The following CNTN5 variants were observed in gnomAD, a reference collection of about 807,000 sequenced individuals.
The protein encoded by CNTN5 is contactin 5, also known as contactin-5.
CNTN5 carries 77 observed loss-of-function variants against 129.1 expected under a neutral mutation model. The observed-to-expected ratio is 0.60, with a 90% CI of 0.50 to 0.72. The LOEUF (loss-of-function observed/expected upper bound fraction) is 0.72, where lower values mean the gene tolerates loss of function less well. Among genes scored for constraint, CNTN5 ranks in the 30% least tolerant of loss-of-function variants. CNTN5 has a pLI of 0.00. For missense variants in CNTN5, 1,478 were observed against 1,328.8 expected (o/e 1.11, Z -1.75); for synonymous variants, 509 against 465.6 (o/e 1.09, Z -1.20).
At chr11:99,453,474 A>G (rs1944385046) in intron 2 of CNTN5, among the ~76,000 whole-genome samples, 1 of 152,228 alleles carries the variant, frequency 6.6e-6, no homozygotes, top group Non-Finnish European at 1.5e-5. Context: ...GTGAATCATC[A>G]ATACAAGATT....
At chr11:99,663,257 C>G (rs1452783632) in intron 3 of CNTN5, among the ~76,000 whole-genome samples, 1 of 152,158 alleles carries the variant, frequency 6.6e-6, no homozygotes, top group Non-Finnish European at 1.5e-5. Flanking sequence ...ATCCTGAGGT[C>G]AGGAGTTCGA....
intron 23 of CNTN5, among the ~76,000 whole-genome samples, chr11:100,341,641 A>T (rs1438324166): frequency 6.6e-6 from 1 of 152,216 alleles, no homozygotes; most frequent in African/African-American, 2.4e-5. Context: ...CACTAGAAAG[A>T]AAACAAAAAA....
chr11:99,358,276 A>T (rs1446342651), intron 2 of CNTN5, among the ~76,000 whole-genome samples: 103 of 12,914 alleles, frequency 8.0e-3, no homozygotes, highest in Non-Finnish European at 0.014. Flanking sequence ...TTTTTTTTTT[A>T]GTAGAGATGG....
At chr11:99,250,997 T>C (rs1862071003) in intron 1 of CNTN5, among the ~76,000 whole-genome samples, 1 of 151,916 alleles carries the variant, frequency 6.6e-6, no homozygotes. Context: ...GAAAAGAAAC[T>C]ATTGATAGCT....
intron 9 of CNTN5, among the ~76,000 whole-genome samples, chr11:100,045,712 T>C (rs1365265093): frequency 7.2e-6 from 1 of 138,602 alleles, no homozygotes; most frequent in African/African-American, 2.6e-5. Flanking sequence ...TAGATGTACA[T>C]TTATTATTAA....
chr11:99,500,477 T>C (rs1946386649), intron 2 of CNTN5, among the ~76,000 whole-genome samples: 1 of 152,126 alleles, frequency 6.6e-6, no homozygotes, highest in South Asian at 2.1e-4. Flanking sequence ...TCCAGAAAAA[T>C]GTTTATACCT....
rs1389091004 is a variant in CNTN5, at chr11:100,158,265, TCAAAGGATA to T, written c.1581-32856_1581-32848del. On this transcript the variant is annotated intron_variant, in intron 13 of 24. Transcript: ENST00000524871. Reference sequence around the variant, plus strand: ...GTTACTGGAAATGGAGAGTTGTTGGTCAAAGGATACAAATTGCAGTTGTAAGATGCATAA... The same window carrying T: ...GTTACTGGAAATGGAGAGTTGTTGGTCAAATTGCAGTTGTAAGATGCATAA... 2.6e-5 allele frequency among the ~76,000 whole-genome samples: 4 copies of T among 151,904 alleles called. No homozygotes were observed. The East Asian group carries it at 7.8e-4, about 30-fold the overall frequency.
chr11:100,044,790 G>A (rs543028933), intron 9 of CNTN5, among the ~76,000 whole-genome samples: 8 of 151,948 alleles, frequency 5.3e-5, no homozygotes, highest in Non-Finnish European at 8.8e-5. Context: ...GTCTGTTCAC[G>A]CTGTTGATTA....
chr11:100,070,763 T>C (rs891041273), intron 11 of CNTN5, among the ~76,000 whole-genome samples: 9 of 152,184 alleles, frequency 5.9e-5, no homozygotes, highest in Non-Finnish European at 1.3e-4. Context: ...TATATTTTAA[T>C]ATATTTTGAG....
intron 1 of CNTN5, among the ~76,000 whole-genome samples, chr11:99,287,646 T>C (rs564644976): frequency 6.6e-6 from 1 of 152,196 alleles, no homozygotes; most frequent in African/African-American, 2.4e-5. Flanking sequence ...AATTTAGTAG[T>C]TGACACTCAT....
chr11:100,263,130 A>G lies in CNTN5; in HGVS notation c.2164+7212A>G, dbSNP rs1443853795. ...ATATGTAAAATCACACTTACTGGATAGTTACTAGACACTTATTTAACATAC... is the reference window on the plus strand; with the variant it reads ...ATATGTAAAATCACACTTACTGGATGGTTACTAGACACTTATTTAACATAC... On this transcript the variant is annotated intron_variant, in intron 17 of 24. Transcript: ENST00000524871. 2.6e-5 allele frequency among the ~76,000 whole-genome samples: 4 copies of G among 152,262 alleles called. No homozygotes were observed. The East Asian group carries it at 7.7e-4, about 29-fold the overall frequency.
chr11:99,249,067 T>C (rs1861966901), intron 1 of CNTN5, among the ~76,000 whole-genome samples: 2 of 152,310 alleles, frequency 1.3e-5, no homozygotes, highest in African/African-American at 4.8e-5. Flanking sequence ...AGTATGGCCA[T>C]TTTCATGATA....
chr11:99,884,304 G>A (rs1052056796), intron 6 of CNTN5, among the ~76,000 whole-genome samples: 1 of 152,108 alleles, frequency 6.6e-6, no homozygotes, highest in Non-Finnish European at 1.5e-5. Context: ...AATATAATTT[G>A]TAGATACGGA....
At chr11:100,334,518 G>A (rs7932554) in intron 21 of CNTN5, among the ~76,000 whole-genome samples, 17,764 of 152,048 alleles carry the variant, frequency 0.12, 1,153 homozygotes, top group Middle Eastern at 0.18. Flanking sequence ...GCAAAAATAT[G>A]GAACGAGCCC....
chr11:99,022,989 ATTAACTAAATGCCGGACT>A (rs1862947952), intron 1 of CNTN5, among the ~76,000 whole-genome samples: 1 of 152,238 alleles, frequency 6.6e-6, no homozygotes, highest in Non-Finnish European at 1.5e-5. Context: ...AATCCCATAG[ATTAACTAAATGCCGGACT>A]TTGTCTATAA....
At chr11:99,735,702 G>A (rs78754033) in intron 3 of CNTN5, among the ~76,000 whole-genome samples, 6,091 of 152,190 alleles carry the variant, frequency 0.04, 399 homozygotes, top group African/African-American at 0.14. Flanking sequence ...ATACGTTTAA[G>A]TTGTACAACT....
At chr11:99,259,779 GC>G (rs1278691718) in intron 1 of CNTN5, among the ~76,000 whole-genome samples, 1 of 151,642 alleles carries the variant, frequency 6.6e-6, no homozygotes, top group East Asian at 1.9e-4. Context: ...CTTTTGCTCT[GC>G]ACTTCTGAAA....
chr11:100,119,736 T>C (rs141590491), intron 13 of CNTN5, among the ~76,000 whole-genome samples: 218 of 151,950 alleles, frequency 1.4e-3, no homozygotes, highest in African/African-American at 5.1e-3. Context: ...AGACAGATGA[T>C]AAGAGATCAA....
intron 16 of CNTN5, among the ~76,000 whole-genome samples, chr11:100,247,317 G>A (rs941827177): frequency 6.6e-6 from 1 of 152,086 alleles, no homozygotes; most frequent in Non-Finnish European, 1.5e-5. Context: ...AGTTGAGCTC[G>A]ATCAAATTAA....
Sources: gnomAD v4.1 joint callset for allele counts (sites outside exome capture counted in the v4.1 genomes callset) on GRCh38, gnomAD v4.1.1 for gene constraint, MANE v1.5 for transcripts, NCBI Gene and HGNC (gene_info 2026-07-23, HGNC 2026-07-21) for gene names.